The following LAMA3 variants were observed in gnomAD, a reference collection of about 807,000 sequenced individuals.
LAMA3 encodes the protein laminin subunit alpha-3.
A neutral mutation model predicts 402.0 loss-of-function variants in LAMA3; 281 were observed. The observed-to-expected ratio is 0.70, with a 90% CI of 0.63 to 0.77. The LOEUF is 0.77. LAMA3 is among the 30% of genes least tolerant of loss of function. The pLI is 0.00. For missense variants in LAMA3, 3,840 were observed against 4,215.5 expected (o/e 0.91, Z 2.47); for synonymous variants, 1,431 against 1,558.4 (o/e 0.92, Z 1.93).
rs772314581 is a variant in LAMA3 at position 23,894,334 on chromosome 18, CAGA to C, written c.5452_5454del (p.Glu1818del). 6 of 1,613,500 alleles carry C rather than the reference CAGA, an allele frequency of 3.7e-6. No homozygotes were observed. The highest frequency in any genetic ancestry group is 5.1e-6 in the Non-Finnish European group (6 of 1,179,428). ...CAAGAACCCAAAGATAGCAGCCCTG[CAGA>C]AGAATGTGATGGTGAGAAAAGAAAG... On this transcript the variant is annotated inframe_deletion, in exon 43 of 75. Coordinates refer to ENST00000313654, the MANE Select transcript of LAMA3 (RefSeq NM_198129.4).
In LAMA3 at chr18:23,861,613, G is replaced by A. The variant is rs201677437; in HGVS notation, c.4423-33G>A. On this transcript the variant is annotated intron_variant, in intron 34 of 74. Transcript: ENST00000313654. ...ACCCCAGGGATGCCACGACCAAGAC[G>A]TTTCCATCCCTTGCTTCTCTCCCTC... 170 of 1,613,470 alleles carry A rather than the reference G, an allele frequency of 1.1e-4. 1 individual carries two copies. The African/African-American group carries it at 2.0e-3, about 19-fold the overall frequency.
At chr18:23,904,237 A>G (rs1237759213) in intron 50 of LAMA3, 150 bp downstream of exon 50, 24 of 875,044 alleles carry the variant, frequency 2.7e-5, no homozygotes, top group Non-Finnish European at 4.2e-5. Context: ...CCCAGGCCCA[A>G]GTCAGAAGCA....
At chr18:23,912,628 C>T in intron 55 of LAMA3, 83 bp from the exon 56 acceptor site, 1 of 1,123,440 alleles carries the variant, frequency 8.9e-7, no homozygotes, top group South Asian at 1.2e-5. Flanking sequence ...TGATACATGG[C>T]TACGAGTCAC....
rs923851338 is a variant in LAMA3 at position 23,689,590 on chromosome 18, C to G, written c.-94C>G. On this transcript the variant is annotated 5_prime_UTR_variant, in exon 1 of 75. Transcript: ENST00000313654. ...GCCCATATCCCCGGCTGCGCTAGTCCTGGCGCTGCAGGTCCGGGAGGCGCA... is the reference window on the plus strand; with the variant it reads ...GCCCATATCCCCGGCTGCGCTAGTCGTGGCGCTGCAGGTCCGGGAGGCGCA... 3 of 1,162,830 alleles carry G rather than the reference C, an allele frequency of 2.6e-6. No individual in the cohort carries two copies. Among genetic ancestry groups the G allele is most frequent in the Non-Finnish European group, 2.2e-6 (2 of 927,680 alleles). 72.0% of individuals were successfully genotyped at this position (1,162,830 alleles called of 1,614,324 possible).
chr18:23,816,509 TC>T, intron 18 of LAMA3, 22 bp downstream of exon 18: 1 of 1,591,458 alleles, frequency 6.3e-7, no homozygotes, highest in Non-Finnish European at 8.6e-7. Context: ...GGAGGCTTCT[TC>T]CCATGTTCAG....
chr18:23,934,792 G>T (rs1027375221), intron 67 of LAMA3, among the ~76,000 whole-genome samples: 4 of 152,210 alleles, frequency 2.6e-5, no homozygotes, highest in East Asian at 1.9e-4. Context: ...CAACCTAGGA[G>T]CCCGTGGCCT....
chr18:23,762,891 C>G (rs992381689), intron 7 of LAMA3, among the ~76,000 whole-genome samples: 4 of 150,788 alleles, frequency 2.7e-5, no homozygotes, highest in Admixed American at 1.3e-4. Flanking sequence ...GAGTCTCGCT[C>G]TGTCACCCAG....
rs1277497534 is a variant in LAMA3, at chr18:23,829,282, A to G, written c.2823+1815A>G. On this transcript the variant is annotated intron_variant, in intron 23 of 74. Transcript: ENST00000313654. ...TTTCTCAGACTATTCCATAAAATTC[A>G]CCTCATCTGAAGTGAACTCATCTCT... Among the ~76,000 whole-genome samples, 3 of 152,214 alleles carry G rather than the reference A, an allele frequency of 2.0e-5. No homozygotes were observed. In the East Asian group the frequency reaches 5.8e-4, roughly 29 times the overall value.
At chr18:23,953,360 G>A (rs1378409328) in intron 74 of LAMA3, among the ~76,000 whole-genome samples, 2 of 84,206 alleles carry the variant, frequency 2.4e-5, no homozygotes, top group Non-Finnish European at 4.7e-5. Context: ...GTTTTTTTTT[G>A]AGATGGAGTC....
chr18:23,772,449 A>G (rs962266381), intron 8 of LAMA3, among the ~76,000 whole-genome samples: 20 of 152,202 alleles, frequency 1.3e-4, no homozygotes, highest in African/African-American at 4.3e-4. Context: ...ACAGTGGCAA[A>G]CAACAGATTT....
rs1306746774 is a variant in LAMA3, at chr18:23,816,433, G to GAGTGTGCCAGT, written c.2093_2094insAGTGTGCCAGT (p.Pro699ValfsTer35). On this transcript the variant is annotated frameshift_variant, in exon 18 of 75. Transcript: ENST00000313654. LOFTEE classifies it high-confidence loss of function. ...GGGGCATTGTCCTCCATGTGCAGTG[G>GAGTGTGCCAGT]GCCCTCGGGAGTGTGCCAGTGCCGA... 1.9e-6 allele frequency: 3 copies of GAGTGTGCCAGT among 1,614,080 alleles called. No homozygotes were observed. In the South Asian group the frequency reaches 3.3e-5, roughly 18 times the overall value.
intron 40 of LAMA3, among the ~76,000 whole-genome samples, chr18:23,882,622 A>G (rs1027264388): frequency 6.6e-6 from 1 of 152,064 alleles, no homozygotes; most frequent in Non-Finnish European, 1.5e-5. Context: ...AAAAAAAAAA[A>G]AAAGAAAACA....
intron 11 of LAMA3, among the ~76,000 whole-genome samples, chr18:23,780,691 A>G (rs918293114): frequency 2.6e-5 from 4 of 152,188 alleles, no homozygotes; most frequent in Admixed American, 1.3e-4. Context: ...ATTGATGATG[A>G]TGATTTTATA....
chr18:23,859,697 C>G (rs917028522), intron 34 of LAMA3, among the ~76,000 whole-genome samples: 2 of 152,186 alleles, frequency 1.3e-5, no homozygotes, highest in African/African-American at 4.8e-5. Context: ...GACGTGTTTA[C>G]CCACCCAGGA....
chr18:23,839,672 A>T lies in LAMA3; in HGVS notation c.3192-113A>T. 1 of 1,093,430 alleles carries T rather than the reference A, an allele frequency of 9.1e-7. No homozygotes were observed. The allele number at this position is 1,093,430 out of a possible 1,614,324, so 67.7% of individuals were successfully genotyped here. ...AGTTCTGTGCTTCCCCCAGCACTGG[A>T]TCCTTTTGATGCCCATGCAGTCCTA... On this transcript the variant is annotated intron_variant, in intron 26 of 74. Transcript: ENST00000313654. This position sits in a 1 kb window ranked among gnomAD's most constrained non-coding sequence, Gnocchi z 4.5.
chr18:23,949,196 G>T (rs2082818662), intron 70 of LAMA3, among the ~76,000 whole-genome samples: 1 of 152,194 alleles, frequency 6.6e-6, no homozygotes, highest in Admixed American at 6.5e-5. Flanking sequence ...TTTTAACTCT[G>T]CAGCATTCGT....
chr18:23,930,154 T>C (rs2082121429), intron 64 of LAMA3, among the ~76,000 whole-genome samples: 3 of 152,166 alleles, frequency 2.0e-5, no homozygotes, highest in African/African-American at 7.2e-5. Flanking sequence ...GAAATTATAC[T>C]TGGTAGAAAA....
chr18:23,691,018 G>T (rs2060578418), intron 1 of LAMA3, among the ~76,000 whole-genome samples: 1 of 151,872 alleles, frequency 6.6e-6, no homozygotes, highest in Non-Finnish European at 1.5e-5. Context: ...AGGGGCAGGA[G>T]AATTTGAATC....
At chr18:23,902,646 G>A (rs2081111344) in intron 48 of LAMA3, among the ~76,000 whole-genome samples, 1 of 152,184 alleles carries the variant, frequency 6.6e-6, no homozygotes, top group African/African-American at 2.4e-5. Flanking sequence ...TGCCTGCTGT[G>A]TTCTCATTGG....
Sources: gnomAD v4.1 joint callset for allele counts (sites outside exome capture counted in the v4.1 genomes callset) on GRCh38, gnomAD v4.1.1 for gene constraint, Gnocchi (gnomAD v3.1) non-coding constraint, MANE v1.5 for transcripts, NCBI Gene and HGNC (gene_info 2026-07-23, HGNC 2026-07-21) for gene names.